TENM2: variants seen among roughly 807,000 people sequenced by gnomAD.
The protein encoded by TENM2 is teneurin transmembrane protein 2.
A neutral mutation model predicts 245.2 loss-of-function variants in TENM2; 52 were observed. That is an observed-to-expected ratio of 0.21 (90% CI 0.17 to 0.27). The LOEUF (loss-of-function observed/expected upper bound fraction) is 0.27, where lower values mean the gene tolerates loss of function less well. Ranked by LOEUF, TENM2 falls within the 10% of genes least tolerant of loss-of-function variation. The probability of loss-of-function intolerance (pLI) is 1.00; values close to 1 mark genes in which losing one functional copy is unlikely to be tolerated. For missense variants in TENM2, 3,046 were observed against 3,666.8 expected (o/e 0.83, Z 4.37); for synonymous variants, 1,363 against 1,438.9 (o/e 0.95, Z 1.19).
the TENM2 span, among the ~76,000 whole-genome samples, chr5:167,013,238 G>C: frequency 1.3e-5 from 2 of 152,022 alleles, no homozygotes; most frequent in Admixed American, 1.3e-4. Context: ...TCCTCCCCTT[G>C]TCCTGATCTG....
intron 2 of TENM2, among the ~76,000 whole-genome samples, chr5:167,445,336 T>TATATAGAGAGAGAGAGAGAG (rs368881390): frequency 2.7e-4 from 21 of 77,288 alleles, no homozygotes; most frequent in Admixed American, 5.7e-4. Context: ...TATATATATA[T>TATATAGAGAGAGAGAGAGAG]AGAGAGAGAG....
At chr5:167,079,103 A>G in the TENM2 span, among the ~76,000 whole-genome samples, 1 of 152,060 alleles carries the variant, frequency 6.6e-6, no homozygotes, top group East Asian at 1.9e-4. Context: ...GCACATGTCC[A>G]TGAATGACCA....
At chr5:167,431,970 T>TATATATATAC (rs199737580) in intron 2 of TENM2, among the ~76,000 whole-genome samples, 1,629 of 134,400 alleles carry the variant, frequency 0.012, 11 homozygotes, top group Middle Eastern at 0.017. Context: ...TGTATATATA[T>TATATATATAC]ATATATATGG....
chr5:168,215,102 C>G lies in TENM2; in HGVS notation c.3908C>G (p.Ser1303Cys), dbSNP rs771766943. Residue 1303 changes from serine to cysteine, a missense_variant, in exon 21 of 29, where the codon TCC (serine) becomes TGC (cysteine). This residue lies in a region of TENM2 where 2,704 missense variants were observed against 3,331.9 expected (regional missense o/e 0.81). Transcript: ENST00000518659. ...CCCGTGTCCGGCTCGCTCTACGTGT[C>G]CGACACCAACAGCAGGAGAATCTAC... The G allele has an allele frequency of 1.1e-5, 18 of 1,613,848 alleles. No homozygotes were observed. In the South Asian group the frequency reaches 1.9e-4, roughly 17 times the overall value.
intron 5 of TENM2, among the ~76,000 whole-genome samples, chr5:168,041,723 T>A (rs938345931): frequency 6.6e-6 from 1 of 152,192 alleles, no homozygotes; most frequent in Non-Finnish European, 1.5e-5. Context: ...TAAAACTGCT[T>A]TACTCCTGGT....
intron 2 of TENM2, among the ~76,000 whole-genome samples, chr5:167,581,321 T>TA (rs1326127206): frequency 1.3e-5 from 2 of 152,232 alleles, no homozygotes; most frequent in Non-Finnish European, 1.5e-5. Context: ...AGTGGTACTT[T>TA]AAAAAATATC....
chr5:167,007,642 C>T, the TENM2 span, among the ~76,000 whole-genome samples: 8 of 152,268 alleles, frequency 5.3e-5, no homozygotes, highest in South Asian at 1.2e-3. The surrounding 1 kb of genome is among the most constrained non-coding windows in gnomAD (Gnocchi z 4.2). Flanking sequence ...CCTAGCCTCC[C>T]ACAAAAATTG....
chr5:167,237,933 C>T, the TENM2 span, among the ~76,000 whole-genome samples: 8 of 147,212 alleles, frequency 5.4e-5, no homozygotes, highest in South Asian at 1.1e-3. Context: ...TTGCTTGAAC[C>T]CAGGAGGTGG....
intron 2 of TENM2, among the ~76,000 whole-genome samples, chr5:167,635,339 G>GT (rs968861143): frequency 6.6e-6 from 1 of 152,006 alleles, no homozygotes; most frequent in African/African-American, 2.4e-5. Flanking sequence ...ACCACAGTTT[G>GT]TTTTTTCCTT....
At chr5:167,916,519 T>C (rs1329427089) in intron 3 of TENM2, among the ~76,000 whole-genome samples, 1 of 152,134 alleles carries the variant, frequency 6.6e-6, no homozygotes, top group Non-Finnish European at 1.5e-5. Flanking sequence ...CCAGAGCCAA[T>C]TTCCTGCTGA....
At chr5:167,750,985 C>T (rs1173210096) in intron 2 of TENM2, among the ~76,000 whole-genome samples, 1 of 152,080 alleles carries the variant, frequency 6.6e-6, no homozygotes, top group Non-Finnish European at 1.5e-5. Context: ...CATATGATAT[C>T]AGGAAAGGCT....
At chr5:167,415,000 C>T (rs1432001462) in intron 2 of TENM2, among the ~76,000 whole-genome samples, 2 of 152,102 alleles carry the variant, frequency 1.3e-5, no homozygotes, top group Non-Finnish European at 2.9e-5. Context: ...CGGGTGGTAG[C>T]TTCAAGACTT....
At chr5:167,398,042 T>C (rs943189686) in intron 2 of TENM2, among the ~76,000 whole-genome samples, 4 of 152,172 alleles carry the variant, frequency 2.6e-5, no homozygotes, top group East Asian at 1.9e-4. Context: ...AAGGGCTTAG[T>C]AGAAAAAGTC....
At chr5:167,387,147 G>A (rs918782516) in intron 2 of TENM2, among the ~76,000 whole-genome samples, 3 of 152,160 alleles carry the variant, frequency 2.0e-5, no homozygotes, top group Admixed American at 6.5e-5. Flanking sequence ...AGCATGGGAT[G>A]TGTTTCCATT....
the TENM2 span, among the ~76,000 whole-genome samples, chr5:167,072,933 G>A: frequency 6.6e-6 from 1 of 152,222 alleles, no homozygotes; most frequent in African/African-American, 2.4e-5. Flanking sequence ...GTGTATTTCT[G>A]CATTTGTAGT....
At chr5:167,861,286 C>G (rs936204578) in intron 2 of TENM2, among the ~76,000 whole-genome samples, 2 of 152,278 alleles carry the variant, frequency 1.3e-5, no homozygotes, top group African/African-American at 4.8e-5. Context: ...AAAGAACCAA[C>G]CATTTCCTAG....
chr5:167,770,258 C>T (rs1763315489), intron 2 of TENM2, among the ~76,000 whole-genome samples: 1 of 152,014 alleles, frequency 6.6e-6, no homozygotes, highest in South Asian at 2.1e-4. Flanking sequence ...ACAGCAAAGG[C>T]TTAGTGATTA....
chr5:167,420,030 A>G (rs1371358276), intron 2 of TENM2, among the ~76,000 whole-genome samples: 2 of 152,220 alleles, frequency 1.3e-5, no homozygotes, highest in Non-Finnish European at 2.9e-5. Flanking sequence ...TTAAAATAAT[A>G]AACGAAAAGA....
At chr5:167,045,378 C>A in the TENM2 span, among the ~76,000 whole-genome samples, 1 of 152,102 alleles carries the variant, frequency 6.6e-6, no homozygotes, top group African/African-American at 2.4e-5. Flanking sequence ...CCATTTAGTA[C>A]CTAGTACATT....
Sources: allele counts gnomAD v4.1 joint callset (sites outside exome capture counted in the v4.1 genomes callset), GRCh38; gene constraint gnomAD v4.1.1; regional missense constraint gnomAD v4.1.1; non-coding constraint Gnocchi (gnomAD v3.1); transcripts MANE v1.5; gene names NCBI Gene and HGNC (gene_info 2026-07-23, HGNC 2026-07-21).